CDH13: variants seen among roughly 807,000 people sequenced by gnomAD.
CDH13 encodes cadherin 13.
A neutral mutation model predicts 63.8 loss-of-function variants in CDH13; 24 were observed. The ratio of observed to expected loss-of-function variants is 0.38; its 90% CI spans 0.27 to 0.53. The LOEUF is 0.53. Ranked by LOEUF, CDH13 falls within the 20% of genes least tolerant of loss-of-function variation. CDH13 has a pLI of 0.85. For missense variants in CDH13, 1,049 were observed against 903.1 expected, an observed-to-expected ratio of 1.16 and a Z score of -2.07; for synonymous variants, 503 against 355.3, an observed-to-expected ratio of 1.42 and a Z score of -4.67.
chr16:83,665,127 C>T (rs1472071723), intron 8 of CDH13, among the ~76,000 whole-genome samples: 2 of 151,538 alleles, frequency 1.3e-5, no homozygotes, highest in Non-Finnish European at 2.9e-5. Flanking sequence ...GTTGTTGGAG[C>T]ATAACAAGAA....
At chr16:82,677,462 T>TTTTTA in intron 1 of CDH13, among the ~76,000 whole-genome samples, 1 of 150,640 alleles carries the variant, frequency 6.6e-6, no homozygotes, top group South Asian at 2.1e-4. Flanking sequence ...TTTTTTTTTT[T>TTTTTA]TGGTTTTTAA....
chr16:83,686,749 G>A (rs1034010798), intron 10 of CDH13, among the ~76,000 whole-genome samples: 17 of 152,148 alleles, frequency 1.1e-4, no homozygotes, highest in African/African-American at 3.4e-4. Context: ...ACAGTTTGGG[G>A]TGAGGCCACC....
chr16:83,533,772 C>T (rs1479640907), intron 7 of CDH13, among the ~76,000 whole-genome samples: 1 of 151,850 alleles, frequency 6.6e-6, no homozygotes, highest in African/African-American at 2.4e-5. Flanking sequence ...AGGTGTGCAC[C>T]ACCACGCCCA....
intron 11 of CDH13, among the ~76,000 whole-genome samples, chr16:83,753,808 G>A (rs691231): frequency 0.27 from 40,258 of 151,696 alleles, 5,793 homozygotes; most frequent in Non-Finnish European, 0.34. Context: ...TCCCCACTGT[G>A]AAACTAGAAA....
chr16:83,164,120 G>C (rs532494452), intron 4 of CDH13, among the ~76,000 whole-genome samples: 129 of 151,984 alleles, frequency 8.5e-4, no homozygotes, highest in Non-Finnish European at 1.7e-3. Context: ...CAAAGCCCGT[G>C]TGCTTATCCA....
chr16:82,944,148 A>G (rs981122249), intron 2 of CDH13, among the ~76,000 whole-genome samples: 10 of 152,218 alleles, frequency 6.6e-5, no homozygotes, highest in Admixed American at 2.6e-4. Flanking sequence ...TCGTCTTAGG[A>G]GAACTGAGAA....
intron 4 of CDH13, among the ~76,000 whole-genome samples, chr16:83,198,199 A>T (rs185953063): frequency 2.7e-5 from 4 of 150,226 alleles, no homozygotes; most frequent in Admixed American, 6.7e-5. Flanking sequence ...ACCTGGTTTT[A>T]AAAAAAAAAT....
Position 83,014,870 on chromosome 16 carries a change from A to G in CDH13, c.158-17140A>G, listed in dbSNP as rs571601723. ...TATATATATTTGTATATATATATGT[A>G]TATATATATGTTTGTGTATATATAT... On this transcript the variant is annotated intron_variant, in intron 2 of 13. Coordinates refer to ENST00000567109, the MANE Select transcript of CDH13 (RefSeq NM_001257.5). Among the ~76,000 whole-genome samples, 36 of 113,096 alleles carry G rather than the reference A, an allele frequency of 3.2e-4. 1 individual carries two copies. The highest frequency in any genetic ancestry group is 1.1e-3 in the African/African-American group (33 of 29,658). The allele number at this position is 113,096 out of a possible 152,430, so 74.2% of individuals were successfully genotyped here.
At chr16:83,161,664 C>T (rs1242666079) in intron 4 of CDH13, among the ~76,000 whole-genome samples, 2 of 152,080 alleles carry the variant, frequency 1.3e-5, no homozygotes, top group Admixed American at 6.6e-5. Context: ...CATGGATTTG[C>T]ATATTTATAG....
At chr16:83,237,341 A>G (rs1230592676) in intron 5 of CDH13, among the ~76,000 whole-genome samples, 1 of 152,204 alleles carries the variant, frequency 6.6e-6, no homozygotes, top group Non-Finnish European at 1.5e-5. Context: ...TGACCACGAA[A>G]CTAAGCTTAA....
At position 82,921,030 on chromosome 16, in the gene CDH13, G is replaced by T. The variant is rs574960777; in HGVS notation, c.157+62557G>T. On this transcript the variant is annotated intron_variant, in intron 2 of 13. Transcript: ENST00000567109. ...CTCTAGTCTATTAATTAAGCTTATT[G>T]TATTAATTGATTCTTGAATATTAAA... Among the ~76,000 whole-genome samples the T allele has an allele frequency of 2.6e-5, 4 of 152,120 alleles. No homozygotes were observed. The East Asian group carries it at 7.7e-4, about 29-fold the overall frequency.
chr16:83,009,610 C>G (rs1049090688), intron 2 of CDH13, among the ~76,000 whole-genome samples: 1 of 152,110 alleles, frequency 6.6e-6, no homozygotes, highest in Non-Finnish European at 1.5e-5. Context: ...CACTCTGACT[C>G]CAAAGCCAAT....
At chr16:83,039,136 G>A (rs1310738603) in intron 3 of CDH13, among the ~76,000 whole-genome samples, 1 of 152,190 alleles carries the variant, frequency 6.6e-6, no homozygotes, top group Non-Finnish European at 1.5e-5. Context: ...AGTTATGAGG[G>A]CCACAGGCTA....
intron 5 of CDH13, among the ~76,000 whole-genome samples, chr16:83,268,189 G>A (rs537968035): frequency 7.2e-5 from 11 of 152,162 alleles, no homozygotes; most frequent in African/African-American, 2.4e-4. Context: ...GACATTAACT[G>A]TACTGCAGTT....
chr16:83,471,064 C>G (rs530804159), intron 6 of CDH13, among the ~76,000 whole-genome samples: 66 of 152,216 alleles, frequency 4.3e-4, no homozygotes, highest in Non-Finnish European at 7.5e-4. Flanking sequence ...TTCTGCTTCC[C>G]TGTTCACATC....
chr16:83,784,112 T>G (rs1357990123), intron 13 of CDH13, among the ~76,000 whole-genome samples: 2 of 152,230 alleles, frequency 1.3e-5, no homozygotes, highest in Non-Finnish European at 2.9e-5. Flanking sequence ...TTAGCCGTTA[T>G]TCATATATAA....
chr16:83,767,124 G>C (rs1250188813), intron 11 of CDH13, among the ~76,000 whole-genome samples: 1 of 152,088 alleles, frequency 6.6e-6, no homozygotes, highest in African/African-American at 2.4e-5. Context: ...TCTTCTAATG[G>C]GACCCTCTTG....
intron 7 of CDH13, among the ~76,000 whole-genome samples, chr16:83,523,129 C>T (rs1434385897): frequency 6.6e-6 from 1 of 152,194 alleles, no homozygotes; most frequent in Non-Finnish European, 1.5e-5. Flanking sequence ...TCCTCATGCA[C>T]CTGTCCAGGT....
chr16:83,217,204 T>G, intron 4 of CDH13, 141 bp from the exon 5 acceptor site: 1 of 726,544 alleles, frequency 1.4e-6, no homozygotes, highest in Non-Finnish European at 2.3e-6. Flanking sequence ...TCTGGTGCTG[T>G]TACTTTAGTC....
Sources: allele counts gnomAD v4.1 joint callset (sites outside exome capture counted in the v4.1 genomes callset), GRCh38; gene constraint gnomAD v4.1.1; transcripts MANE v1.5; gene names NCBI Gene and HGNC (gene_info 2026-07-23, HGNC 2026-07-21).